Variants in WDR7 observed in about 807,000 individuals in gnomAD.
The protein encoded by WDR7 is WD repeat-containing protein 7.
WDR7 carries 46 observed loss-of-function variants against 169.4 expected under a neutral mutation model. The observed-to-expected ratio is 0.27, with a 90% CI of 0.21 to 0.35. The LOEUF (loss-of-function observed/expected upper bound fraction) is 0.35. Ranked by LOEUF, WDR7 falls within the 10% of genes least tolerant of loss-of-function variation. WDR7 has a pLI of 1.00. For synonymous variants in WDR7, 612 were observed against 666.8 expected, an observed-to-expected ratio of 0.92 and a Z score of 1.27; for missense variants, 1,534 against 1,859.3, an observed-to-expected ratio of 0.83 and a Z score of 3.22.
chr18:56,925,492 A>G (rs2046793501), intron 22 of WDR7, among the ~76,000 whole-genome samples: 1 of 152,158 alleles, frequency 6.6e-6, no homozygotes, highest in South Asian at 2.1e-4. Flanking sequence ...GAACTGTCCC[A>G]TAATGCCTCC....
chr18:56,883,995 A>G (rs541707068), intron 21 of WDR7, among the ~76,000 whole-genome samples: 55 of 152,222 alleles, frequency 3.6e-4, no homozygotes, highest in African/African-American at 1.3e-3. Context: ...TATCTTATTC[A>G]TATAATGACT....
At chr18:56,869,192 T>C (rs1448038713) in intron 20 of WDR7, among the ~76,000 whole-genome samples, 2 of 152,210 alleles carry the variant, frequency 1.3e-5, no homozygotes, top group East Asian at 3.8e-4. Flanking sequence ...AAAATCATTT[T>C]AGAGTGGTCA....
chr18:56,782,951 A>T (rs1169314401), intron 19 of WDR7, among the ~76,000 whole-genome samples: 1 of 152,172 alleles, frequency 6.6e-6, no homozygotes, highest in Non-Finnish European at 1.5e-5. Flanking sequence ...TGCGTAGAAC[A>T]ATTCCTAGCC....
At chr18:56,854,490 T>C (rs2045688672) in intron 20 of WDR7, among the ~76,000 whole-genome samples, 1 of 152,234 alleles carries the variant, frequency 6.6e-6, no homozygotes, top group Non-Finnish European at 1.5e-5. Context: ...CTGGAAGCTC[T>C]CCATACCCCG....
At chr18:57,020,888 C>T (rs373782362) in intron 27 of WDR7, 39 bp downstream of exon 27, 19 of 1,578,452 alleles carry the variant, frequency 1.2e-5, no homozygotes, top group African/African-American at 5.4e-5. Flanking sequence ...GCATATACTG[C>T]GTGATATGCC....
rs548836850 is a variant in WDR7, at chr18:56,871,215, G to A, written c.3305-8729G>A. Among the ~76,000 whole-genome samples, 56 of 152,238 alleles carry A rather than the reference G, an allele frequency of 3.7e-4. 1 individual carries two copies. In the South Asian group the frequency reaches 0.011, roughly 29 times the overall value. ...AGTTCGCTTGTTCTCCAGAATGTCA[G>A]TATTAACAAAGTTCACTTTGCTAAG... On this transcript the variant is annotated intron_variant, in intron 20 of 27. Transcript: ENST00000254442.
At chr18:56,875,317 C>T (rs2046008084) in intron 20 of WDR7, among the ~76,000 whole-genome samples, 1 of 152,176 alleles carries the variant, frequency 6.6e-6, no homozygotes, top group African/African-American at 2.4e-5. Context: ...TTCTGTTTAA[C>T]ATCACAAAAC....
chr18:56,733,060 AT>A (rs1377422234), intron 14 of WDR7, among the ~76,000 whole-genome samples: 1 of 152,180 alleles, frequency 6.6e-6, no homozygotes, highest in East Asian at 1.9e-4. Context: ...GATTTTTACA[AT>A]CTTGTTTGTC....
chr18:56,879,571 A>C (rs1330048943), intron 20 of WDR7, among the ~76,000 whole-genome samples: 1 of 152,196 alleles, frequency 6.6e-6, no homozygotes, highest in African/African-American at 2.4e-5. Flanking sequence ...CTTTTCAAGC[A>C]CAAAAGTTTT....
intron 21 of WDR7, among the ~76,000 whole-genome samples, chr18:56,923,201 A>G (rs2046751735): frequency 1.3e-5 from 2 of 152,346 alleles, no homozygotes; most frequent in Middle Eastern, 3.4e-3. Context: ...TGCCTTCTGA[A>G]GTAGATAAAG....
At chr18:56,942,742 C>T (rs116608332) in intron 25 of WDR7, among the ~76,000 whole-genome samples, 3,117 of 152,110 alleles carry the variant, frequency 0.02, 115 homozygotes, top group African/African-American at 0.072. Context: ...TAAATCCTCA[C>T]GTTAAGTAAG....
rs10571337 is a variant in WDR7 at position 57,017,412 on chromosome 18, CTGTGTGTGTG to C, written c.4165-3310_4165-3301del. Reference sequence around the variant, plus strand: ...CTGTAGGGCACCTAGCAGCATCATGCTGTGTGTGTGTGTGTGTGTGTGTGTGTGTGTGCAT... The same window carrying C: ...CTGTAGGGCACCTAGCAGCATCATGCTGTGTGTGTGTGTGTGTGTGTGCAT... On this transcript the variant is annotated intron_variant, in intron 26 of 27. Coordinates refer to ENST00000254442, the MANE Select transcript of WDR7 (RefSeq NM_015285.3). Among the ~76,000 whole-genome samples the C allele has an allele frequency of 3.9e-4, 56 of 143,750 alleles. 1 individual carries two copies. The highest frequency in any genetic ancestry group is 1.3e-3 in the East Asian group (6 of 4,774). The allele number at this position is 143,750 out of a possible 152,430, so 94.3% of individuals were successfully genotyped here. A position where few individuals can be genotyped will look rare whatever the true frequency, so the allele number is the denominator to read the frequency against.
intron 22 of WDR7, among the ~76,000 whole-genome samples, chr18:56,926,678 T>C (rs1203744724): frequency 6.6e-6 from 1 of 152,204 alleles, no homozygotes; most frequent in Non-Finnish European, 1.5e-5. Context: ...GTCATGAAGA[T>C]TAGTGTGACT....
chr18:56,689,589 T>A (rs1459771506), intron 7 of WDR7, among the ~76,000 whole-genome samples: 2 of 152,206 alleles, frequency 1.3e-5, no homozygotes, highest in African/African-American at 4.8e-5. Flanking sequence ...TACCTTTGAA[T>A]CTTTAATCTG....
intron 21 of WDR7, among the ~76,000 whole-genome samples, chr18:56,923,334 A>G (rs2046754013): frequency 6.6e-6 from 1 of 152,244 alleles, no homozygotes; most frequent in Non-Finnish European, 1.5e-5. Flanking sequence ...ATATTGAACT[A>G]TTAACACGTT....
chr18:56,946,304 T>C (rs1338868601), intron 25 of WDR7, among the ~76,000 whole-genome samples: 3 of 152,202 alleles, frequency 2.0e-5, no homozygotes, highest in Admixed American at 2.0e-4. Context: ...CATAAGAACA[T>C]GGTGGCCCCG....
At chr18:56,901,385 C>T (rs189607825) in intron 21 of WDR7, among the ~76,000 whole-genome samples, 127 of 150,460 alleles carry the variant, frequency 8.4e-4, no homozygotes, top group African/African-American at 3.0e-3. Flanking sequence ...GATCTCTAGG[C>T]AGTATAGTCA....
At chr18:56,792,479 T>C (rs1313933142) in intron 19 of WDR7, among the ~76,000 whole-genome samples, 3 of 152,186 alleles carry the variant, frequency 2.0e-5, no homozygotes, top group African/African-American at 7.2e-5. Flanking sequence ...AGTTTCTTCT[T>C]GTGTAAAAGG....
intron 14 of WDR7, among the ~76,000 whole-genome samples, chr18:56,738,798 C>CTTTTTTT (rs10547813): frequency 1.7e-5 from 1 of 58,786 alleles, no homozygotes; most frequent in African/African-American, 5.9e-5. Flanking sequence ...GCATAAAATC[C>CTTTTTTT]TTTTTTTTTT....
Sources: gnomAD v4.1 joint callset for allele counts (sites outside exome capture counted in the v4.1 genomes callset) on GRCh38, gnomAD v4.1.1 for gene constraint, MANE v1.5 for transcripts, NCBI Gene and HGNC (gene_info 2026-07-23, HGNC 2026-07-21) for gene names.